The following CD99L2 variants were observed in gnomAD, a reference collection of about 807,000 sequenced individuals.
The protein encoded by CD99L2 is CD99 antigen-like protein 2.
In CD99L2, 24 loss-of-function variants were observed where a neutral mutation model predicts 27.3. That is an observed-to-expected ratio of 0.88 (90% CI 0.64 to 1.24). CD99L2 has a LOEUF of 1.24. Ranked by LOEUF, CD99L2 falls within the 50% of genes most tolerant of loss-of-function variation. CD99L2 has a pLI of 0.00. For synonymous variants in CD99L2, 97 were observed against 87.9 expected, an observed-to-expected ratio of 1.10 and a Z score of -0.58; for missense variants, 255 against 221.6, an observed-to-expected ratio of 1.15 and a Z score of -0.96.
intron 2 of CD99L2, among the ~76,000 whole-genome samples, chrX:150,822,645 C>CA (rs1174270945): frequency 1.8e-5 from 2 of 110,634 alleles, no homozygotes; most frequent in African/African-American, 6.6e-5. Context: ...TCTTGTCCAA[C>CA]AAAAAAAATG....
intron 1 of CD99L2, among the ~76,000 whole-genome samples, chrX:150,897,285 A>G (rs909432177): frequency 5.6e-4 from 63 of 112,673 alleles, no homozygotes; most frequent in African/African-American, 2.0e-3. Context: ...TGCCCGGACC[A>G]GGATGTAAGC....
chrX:150,798,126 G>A (rs1557419952), intron 4 of CD99L2, among the ~76,000 whole-genome samples: 1 of 52,158 alleles, frequency 1.9e-5, no homozygotes, highest in Non-Finnish European at 3.4e-5. Context: ...AGGGAGGGAG[G>A]GAGGAAAGGA....
rs1202477187 is a variant in CD99L2, at chrX:150,768,710, C to G, written c.*324G>C. On this transcript the variant is annotated 3_prime_UTR_variant, in exon 11 of 11. Transcript: ENST00000370377. The stretch of plus-strand genomic sequence containing the variant: ...CCTAAGCATAAATGTCATCAGGCCT[C>G]AGCATCATCTTGGCCCCCGCATCCT... The G allele has an allele frequency of 3.4e-6, 1 of 293,597 alleles. No individual in the cohort carries two copies. Among genetic ancestry groups the G allele is most frequent in the Non-Finnish European group, 5.8e-6 (1 of 173,829 alleles). The allele number at this position is 293,597 out of a possible 1,213,427, so 24.2% of individuals were successfully genotyped here. A position where few individuals can be genotyped will look rare whatever the true frequency, so the allele number is the denominator to read the frequency against.
chrX:150,848,547 T>C (rs1445829945), intron 1 of CD99L2, among the ~76,000 whole-genome samples: 4 of 61,333 alleles, frequency 6.5e-5, no homozygotes, highest in Non-Finnish European at 1.4e-4. Flanking sequence ...GGGTTCTTTT[T>C]CCACAATTTA....
chrX:150,771,149 G>A (rs5925426), intron 9 of CD99L2, among the ~76,000 whole-genome samples: 28,097 of 110,857 alleles, frequency 0.25, 2,596 homozygotes, highest in South Asian at 0.44. Flanking sequence ...CTTCAGCCCC[G>A]GGTCTGTGGG....
chrX:150,865,396 G>A (rs1216458130), intron 1 of CD99L2, among the ~76,000 whole-genome samples: 2 of 111,729 alleles, frequency 1.8e-5, no homozygotes, highest in African/African-American at 6.5e-5. Context: ...CTAGCTACTC[G>A]AGAGGCTCAG....
intron 1 of CD99L2, among the ~76,000 whole-genome samples, chrX:150,894,623 T>C (rs2124398238): frequency 9.0e-6 from 1 of 110,723 alleles, no homozygotes; most frequent in African/African-American, 3.3e-5. Context: ...GGTCTCACTC[T>C]GTCACCCAGG....
chrX:150,864,154 G>A (rs1204883468), intron 1 of CD99L2, among the ~76,000 whole-genome samples: 2 of 112,122 alleles, frequency 1.8e-5, no homozygotes, highest in Non-Finnish European at 3.8e-5. Context: ...GAGTAGGTAA[G>A]TTAATCTGAC....
At chrX:150,821,242 C>A (rs1162990464) in intron 2 of CD99L2, among the ~76,000 whole-genome samples, 3 of 111,967 alleles carry the variant, frequency 2.7e-5, no homozygotes, top group Non-Finnish European at 5.6e-5. Flanking sequence ...AAATAGCAGT[C>A]ACACCTCTCA....
At chrX:150,789,369 G>A (rs938441451) in intron 7 of CD99L2, among the ~76,000 whole-genome samples, 2 of 111,297 alleles carry the variant, frequency 1.8e-5, no homozygotes, top group African/African-American at 3.3e-5. Context: ...TGATCCACCC[G>A]CGTCGGCCTC....
In CD99L2 at chrX:150,831,302, T is replaced by TA. The variant is rs782232660; in HGVS notation, c.68-10dup. ...ATCAAAGTCCCCAGATCCTAAAAAT[T>TA]AAAAAAAAAAATTAAACTATCTTTG... On this transcript the variant is annotated splice_polypyrimidine_tract_variant and intron_variant, in intron 1 of 10. Coordinates refer to ENST00000370377, the MANE Select transcript of CD99L2 (RefSeq NM_031462.4). 8.2e-3 allele frequency: 8,036 copies of TA among 977,517 alleles called. No individual in the cohort carries two copies. Among genetic ancestry groups the TA allele is most frequent in the Non-Finnish European group, 9.1e-3 (6,606 of 726,994 alleles). The allele number at this position is 977,517 out of a possible 1,213,427, so 80.6% of individuals were successfully genotyped here. A position where few individuals can be genotyped will look rare whatever the true frequency, so the allele number is the denominator to read the frequency against.
chrX:150,871,033 T>C (rs2047148785), intron 1 of CD99L2, among the ~76,000 whole-genome samples: 1 of 112,495 alleles, frequency 8.9e-6, no homozygotes, highest in South Asian at 3.6e-4. Flanking sequence ...TTTAAAATTG[T>C]GGGAAATGTC....
At chrX:150,878,139 A>G (rs1049115026) in intron 1 of CD99L2, among the ~76,000 whole-genome samples, 7 of 110,440 alleles carry the variant, frequency 6.3e-5, no homozygotes, top group African/African-American at 2.0e-4. Flanking sequence ...AGAGTTCAAG[A>G]CCAGCCTGGC....
At position 150,887,803 on chromosome X, in the gene CD99L2, GA is replaced by G. The variant is rs782252961; in HGVS notation, c.67+10718del. Among the ~76,000 whole-genome samples the G allele has an allele frequency of 3.1e-3, 348 of 112,184 alleles. 3 individuals carry two copies. Among genetic ancestry groups the G allele is most frequent in the African/African-American group, 0.01 (318 of 30,910 alleles). ...CAGCATGGCGTCACAGGAAGGAACAGAAAATGAAGAGGCACACACGGAGCTA... is the reference window on the plus strand; with the variant it reads ...CAGCATGGCGTCACAGGAAGGAACAGAAATGAAGAGGCACACACGGAGCTA... On this transcript the variant is annotated intron_variant, in intron 1 of 10. Coordinates refer to ENST00000370377, the MANE Select transcript of CD99L2 (RefSeq NM_031462.4).
chrX:150,770,199 G>A, intron 10 of CD99L2, 105 bp downstream of exon 10: 1 of 784,749 alleles, frequency 1.3e-6, no homozygotes, highest in African/African-American at 2.0e-5. Context: ...GGACATTCTA[G>A]AAGCAGACGC....
rs2043334544 is a variant in CD99L2 at position 150,767,646 on chromosome X, C to T, written c.*1388G>A. The T allele has an allele frequency of 1.8e-5, 2 of 111,926 alleles. No homozygotes were observed. Among genetic ancestry groups the T allele is most frequent in the African/African-American group, 3.2e-5 (1 of 30,800 alleles). 9.2% of individuals were successfully genotyped at this position (111,926 alleles called of 1,213,427 possible). A position where few individuals can be genotyped will look rare whatever the true frequency, so the allele number is the denominator to read the frequency against. ...GAGTTGGCTCATCCCACTCAGCAGA[C>T]AATCCCGCTCAGTGGACAGCCTATG... On this transcript the variant is annotated 3_prime_UTR_variant, in exon 11 of 11. Coordinates refer to ENST00000370377, the MANE Select transcript of CD99L2 (RefSeq NM_031462.4).
chrX:150,863,959 G>A (rs1052156827), intron 1 of CD99L2, among the ~76,000 whole-genome samples: 4 of 111,836 alleles, frequency 3.6e-5, no homozygotes, highest in African/African-American at 1.3e-4. Flanking sequence ...TCTACTTAGA[G>A]CCTTCAGGGA....
At chrX:150,898,363 G>C (rs1263653950) in intron 1 of CD99L2, among the ~76,000 whole-genome samples, 159 bp downstream of exon 1, 2 of 110,768 alleles carry the variant, frequency 1.8e-5, no homozygotes, top group Non-Finnish European at 3.8e-5. Flanking sequence ...CGGGCCCGGG[G>C]CTCGGACCCC....
rs1158262963 is a variant in CD99L2, at chrX:150,829,233, A to G, written c.130+1998T>C. ...ATATATATTATATATCTATAAATAT[A>G]TATTTCCTTATTTGGAAAAAGGATC... On this transcript the variant is annotated intron_variant, in intron 2 of 10. Coordinates refer to ENST00000370377, the MANE Select transcript of CD99L2 (RefSeq NM_031462.4). 6 of 180,092 alleles carry G rather than the reference A, an allele frequency of 3.3e-5. No homozygotes were observed. The Admixed American group carries it at 4.2e-4, about 13-fold the overall frequency. The allele number at this position is 180,092 out of a possible 1,213,427, so 14.8% of individuals were successfully genotyped here. A position where few individuals can be genotyped will look rare whatever the true frequency, so the allele number is the denominator to read the frequency against.
Sources: allele counts gnomAD v4.1 joint callset (sites outside exome capture counted in the v4.1 genomes callset), GRCh38; gene constraint gnomAD v4.1.1; transcripts MANE v1.5; gene names NCBI Gene and HGNC (gene_info 2026-07-23, HGNC 2026-07-21).